The following ZNF518A variants were observed in gnomAD, a reference collection of about 807,000 sequenced individuals.
The protein encoded by ZNF518A is zinc finger protein 518A.
In ZNF518A, 47 loss-of-function variants were observed where a neutral mutation model predicts 102.7. That is an observed-to-expected ratio of 0.46 (90% CI 0.36 to 0.58). ZNF518A has a LOEUF of 0.58. Among genes scored for constraint, ZNF518A ranks in the 20% least tolerant of loss-of-function variants. The pLI is 0.00. For missense variants in ZNF518A, 1,793 were observed against 1,699.8 expected, an observed-to-expected ratio of 1.05 and a Z score of -0.96; for synonymous variants, 652 against 594.6, an observed-to-expected ratio of 1.10 and a Z score of -1.40.
At chr10:96,191,072 T>C (rs897217624) in intron 1 of ZNF518A, among the ~76,000 whole-genome samples, 3 of 152,114 alleles carry the variant, frequency 2.0e-5, no homozygotes, top group African/African-American at 4.8e-5. Flanking sequence ...GTTGTTGTGA[T>C]AGTGAGTAAG....
chr10:96,172,201 A>G lies in ZNF518A; in HGVS notation n.35+16154A>G, dbSNP rs1283990087. Among the ~76,000 whole-genome samples the G allele has an allele frequency of 8.6e-5, 13 of 150,464 alleles. No individual in the cohort carries two copies. In the Admixed American group the frequency reaches 8.6e-4, roughly 10 times the overall value. ...ACATTACATGAAAGTAAGTAAGTAT[A>G]AAAGAGAATATAATTGCATCTTTAT... On this transcript the variant is annotated intron_variant and non_coding_transcript_variant, in intron 1 of 2. Coordinates refer to the ZNF518A transcript ENST00000442635.
At chr10:96,177,078 C>CA (rs141613606) in intron 1 of ZNF518A, among the ~76,000 whole-genome samples, 11,275 of 125,166 alleles carry the variant, frequency 0.09, 634 homozygotes, top group African/African-American at 0.15. Context: ...GTCTCTGTCT[C>CA]AAAAAAAAAA....
chr10:96,174,991 A>G (rs1204461796), intron 1 of ZNF518A, among the ~76,000 whole-genome samples: 1 of 152,118 alleles, frequency 6.6e-6, no homozygotes, highest in Non-Finnish European at 1.5e-5. Flanking sequence ...CCATGAGGAT[A>G]CAACAGGAAG....
At chr10:96,192,195 C>G in intron 1 of ZNF518A, 1 of 1,480,850 alleles carries the variant, frequency 6.8e-7, no homozygotes, top group Non-Finnish European at 9.3e-7. Context: ...AAAGTTATTA[C>G]ACCCCAGCTG....
chr10:96,171,628 T>C (rs1255033176), intron 1 of ZNF518A, among the ~76,000 whole-genome samples: 4 of 152,174 alleles, frequency 2.6e-5, no homozygotes, highest in African/African-American at 9.6e-5. Context: ...TAAGAAACCA[T>C]TGAAGTGTAC....
At position 96,157,193 on chromosome 10, in the gene ZNF518A, G is replaced by A. The variant is rs782747998; in HGVS notation, c.871G>A (p.Ala291Thr). The A allele has an allele frequency of 3.1e-6, 5 of 1,610,830 alleles. No homozygotes were observed. The Admixed American group carries it at 8.4e-5, about 27-fold the overall frequency. ...VITLHKEHLY[A>T]KEKLEKDKYE... is the part of the protein sequence containing the mutation. ...AACTTTGCACAAAGAACATTTATAT[G>A]CAAAAGAAAAACTGGAAAAAGACAA... is the stretch of plus-strand genomic sequence containing the variant. Residue 291 changes from alanine (A) to threonine (T), a missense_variant, in exon 6 of 6, where the codon GCA becomes ACA. Ala to Thr is a moderately conservative substitution (Grantham distance 58). Around this residue, in one of 3 missense-constraint regions of ZNF518A, gnomAD observed 1,741 missense variants for 1,622.6 expected, o/e 1.07. Coordinates refer to ENST00000316045, the MANE Select transcript of ZNF518A (RefSeq NM_001330736.2).
chr10:96,143,048 TC>T (rs1467973526), intron 3 of ZNF518A, among the ~76,000 whole-genome samples: 1 of 152,182 alleles, frequency 6.6e-6, no homozygotes, highest in Non-Finnish European at 1.5e-5. Flanking sequence ...CCTCAGGTGA[TC>T]CGCCCGCTTT....
At chr10:96,196,175 C>A (rs1554894631) in intron 1 of ZNF518A, among the ~76,000 whole-genome samples, 1 of 152,188 alleles carries the variant, frequency 6.6e-6, no homozygotes, top group Non-Finnish European at 1.5e-5. Context: ...ATAGATTGTT[C>A]TTCCCATTTT....
chr10:96,137,403 C>T (rs1220698218), intron 3 of ZNF518A, among the ~76,000 whole-genome samples: 4 of 152,196 alleles, frequency 2.6e-5, no homozygotes, highest in Non-Finnish European at 4.4e-5. Flanking sequence ...GTTGTCTGCA[C>T]TGCATCACTA....
At chr10:96,175,875 C>A (rs1248713607) in intron 1 of ZNF518A, among the ~76,000 whole-genome samples, 9 of 57,588 alleles carry the variant, frequency 1.6e-4, no homozygotes, top group South Asian at 9.1e-4. Context: ...GCCTCCCTCC[C>A]TCCCTTCCTT....
intron 1 of ZNF518A, among the ~76,000 whole-genome samples, chr10:96,178,454 G>A (rs1477590011): frequency 6.6e-6 from 1 of 152,024 alleles, no homozygotes; most frequent in Admixed American, 6.5e-5. Flanking sequence ...TACTAAACCA[G>A]TGTTTGGAGG....
At chr10:96,170,888 C>G (rs1450511989) in intron 1 of ZNF518A, among the ~76,000 whole-genome samples, 1 of 151,922 alleles carries the variant, frequency 6.6e-6, no homozygotes, top group Non-Finnish European at 1.5e-5. Context: ...GAGACGTAAC[C>G]CAATTTAAAG....
At chr10:96,149,319 G>C (rs782396457) in intron 3 of ZNF518A, among the ~76,000 whole-genome samples, 2 of 152,128 alleles carry the variant, frequency 1.3e-5, no homozygotes, top group Non-Finnish European at 2.9e-5. Flanking sequence ...GGGGATATGA[G>C]GTGAGGGTTT....
downstream of ZNF518A, among the ~76,000 whole-genome samples, chr10:96,165,976 T>G (rs994420768): frequency 1.3e-5 from 2 of 152,246 alleles, no homozygotes; most frequent in Non-Finnish European, 2.9e-5. Flanking sequence ...ACTGGTGGTG[T>G]AACTCTCAGA....
intron 1 of ZNF518A, chr10:96,196,796 A>C: frequency 1.9e-6 from 2 of 1,064,262 alleles, no homozygotes; most frequent in Non-Finnish European, 2.8e-6. Context: ...TGCAAGCATT[A>C]GAACAAGTAC....
intron 1 of ZNF518A, among the ~76,000 whole-genome samples, chr10:96,177,312 A>G (rs1380330457): frequency 2.0e-5 from 3 of 152,246 alleles, no homozygotes; most frequent in African/African-American, 7.2e-5. Context: ...AAGAATGAAG[A>G]CAAAACAAAT....
At chr10:96,168,298 T>C (rs587761843), downstream of ZNF518A, among the ~76,000 whole-genome samples, 3 of 152,316 alleles carry the variant, frequency 2.0e-5, no homozygotes, top group South Asian at 6.2e-4. Flanking sequence ...TGTGCTACGA[T>C]CTGCTCCTTT....
At chr10:96,168,820 C>G (rs1254711730) in intron 1 of ZNF518A, among the ~76,000 whole-genome samples, 2 of 152,168 alleles carry the variant, frequency 1.3e-5, no homozygotes, top group African/African-American at 2.4e-5. Flanking sequence ...AACAGTTTGA[C>G]TATGATGTGC....
Position 96,163,312 on chromosome 10 carries a change from C to T in ZNF518A, c.*2538C>T, listed in dbSNP as rs587600927. 1 of 149,068 alleles carries T rather than the reference C, an allele frequency of 6.7e-6. No homozygotes were observed. The highest frequency in any genetic ancestry group is 2.6e-4 in the South Asian group (1 of 3,802). 9.2% of individuals were successfully genotyped at this position (149,068 alleles called of 1,614,324 possible). The stretch of plus-strand genomic sequence containing the variant: ...AAAATCCAAAACAAAAGCCTGTATC[C>T]TTTATTTTTTGTGTGTGGCTTTCCA... On this transcript the variant is annotated 3_prime_UTR_variant, in exon 6 of 6. Coordinates refer to ENST00000316045, the MANE Select transcript of ZNF518A (RefSeq NM_001330736.2).
Sources: allele counts gnomAD v4.1 joint callset (sites outside exome capture counted in the v4.1 genomes callset), GRCh38; gene constraint gnomAD v4.1.1; regional missense constraint gnomAD v4.1.1; transcripts MANE v1.5; gene names NCBI Gene and HGNC (gene_info 2026-07-23, HGNC 2026-07-21).